Variants in CASR observed in about 807,000 individuals in gnomAD.
CASR encodes the protein extracellular calcium-sensing receptor.
CASR carries 23 observed loss-of-function variants against 69.1 expected under a neutral mutation model. The observed-to-expected ratio is 0.33, with a 90% CI of 0.24 to 0.47. The LOEUF (loss-of-function observed/expected upper bound fraction) is 0.47, where lower values mean the gene tolerates loss of function less well. Among genes scored for constraint, CASR ranks in the 20% least tolerant of loss-of-function variants. The pLI is 1.00. For synonymous variants in CASR, 541 were observed against 544.7 expected, an observed-to-expected ratio of 0.99 and a Z score of 0.10; for missense variants, 924 against 1,356.1, an observed-to-expected ratio of 0.68 and a Z score of 5.00.
In CASR at chr3:122,257,069, T is replaced by C; in HGVS notation, c.186-12T>C. Reference sequence around the variant, plus strand: ...AAGCTTCCCATTTTCTTCCACTTCTTCTTTCTTCCAGGTATAATTTCCGTG... The same window carrying C: ...AAGCTTCCCATTTTCTTCCACTTCTCCTTTCTTCCAGGTATAATTTCCGTG... On this transcript the variant is annotated splice_polypyrimidine_tract_variant and intron_variant, in intron 2 of 6. Coordinates refer to ENST00000639785, the MANE Select transcript of CASR (RefSeq NM_000388.4). 1 of 1,613,186 alleles carries C rather than the reference T, an allele frequency of 6.2e-7. No homozygotes were observed. Among genetic ancestry groups the C allele is most frequent in the African/African-American group, 1.3e-5 (1 of 74,990 alleles).
In CASR at chr3:122,269,927, C is replaced by T. The variant is rs576715953; in HGVS notation, c.1378-5885C>T. ...CATGATCTTGGCTCACTGCAACCTC[C>T]GCCTCCCAGGTTCAAGAGATTCTTC... On this transcript the variant is annotated intron_variant, in intron 4 of 6. Coordinates refer to ENST00000639785, the MANE Select transcript of CASR (RefSeq NM_000388.4). 2.3e-4 allele frequency among the ~76,000 whole-genome samples: 35 copies of T among 152,166 alleles called. No individual in the cohort carries two copies. In the South Asian group the frequency reaches 7.1e-3, roughly 31 times the overall value.
At chr3:122,222,609 C>T (rs1354159) in intron 1 of CASR, among the ~76,000 whole-genome samples, 108,885 of 151,974 alleles carry the variant, frequency 0.72, 39,294 homozygotes, top group Admixed American at 0.82. Context: ...GATAACCACA[C>T]GATAATAGTG....
rs1576816593 is a variant in CASR at position 122,199,285 on chromosome 3, T to G, written c.-243+15473T>G. On this transcript the variant is annotated intron_variant, in intron 1 of 6. Coordinates refer to ENST00000639785, the MANE Select transcript of CASR (RefSeq NM_000388.4). ...CTGCAAGTTCTTCCTCTTGGCTCGC[T>G]TTGGCCTTCTATTCAATCTGAGAAG... 5.9e-5 allele frequency among the ~76,000 whole-genome samples: 9 copies of G among 152,374 alleles called. 3 individuals carry two copies. The highest frequency in any genetic ancestry group is 5.9e-4 in the Admixed American group (9 of 15,312).
At chr3:122,248,169 CAT>C (rs2074446353) in intron 1 of CASR, among the ~76,000 whole-genome samples, 1 of 152,164 alleles carries the variant, frequency 6.6e-6, no homozygotes, top group Non-Finnish European at 1.5e-5. Flanking sequence ...TTTAAAACAA[CAT>C]GTGCCTTGCT....
At chr3:122,218,541 CAAAA>C (rs59428263) in intron 1 of CASR, among the ~76,000 whole-genome samples, 13 of 106,310 alleles carry the variant, frequency 1.2e-4, no homozygotes, top group Admixed American at 1.1e-3. Flanking sequence ...GACTCTGTCT[CAAAA>C]AAAAAAAAAA....
intron 1 of CASR, chr3:122,247,624 GGACACA>G (rs2074440422): frequency 6.6e-6 from 1 of 152,120 alleles, no homozygotes; most frequent in South Asian, 2.1e-4. Flanking sequence ...AGTCCTATGT[GGACACA>G]GAGTTTGTTA....
intron 1 of CASR, among the ~76,000 whole-genome samples, chr3:122,228,782 C>T (rs961782865): frequency 6.6e-6 from 1 of 152,184 alleles, no homozygotes; most frequent in Non-Finnish European, 1.5e-5. Flanking sequence ...TCCATGCTCA[C>T]AGCTACCATG....
intron 1 of CASR, among the ~76,000 whole-genome samples, chr3:122,231,035 G>C (rs923516847): frequency 6.6e-6 from 1 of 152,152 alleles, no homozygotes; most frequent in Non-Finnish European, 1.5e-5. Flanking sequence ...CATCCACTCA[G>C]AATTTTTGCA....
In CASR at chr3:122,287,094, C is replaced by T. The variant is rs571776635; in HGVS notation, c.*1903C>T. ...GCAGTCATGCCTCTGAGCAAGGCAC[C>T]GAGCTGAGTGGGGATTTATATTTAA... On this transcript the variant is annotated 3_prime_UTR_variant, in exon 7 of 7. Coordinates refer to ENST00000639785, the MANE Select transcript of CASR (RefSeq NM_000388.4). 4.2e-4 allele frequency: 64 copies of T among 152,288 alleles called. No individual in the cohort carries two copies. The highest frequency in any genetic ancestry group is 1.5e-3 in the African/African-American group (61 of 41,558). 9.4% of individuals were successfully genotyped at this position (152,288 alleles called of 1,614,324 possible).
At chr3:122,223,618 TA>T (rs2074194463) in intron 1 of CASR, among the ~76,000 whole-genome samples, 1 of 151,848 alleles carries the variant, frequency 6.6e-6, no homozygotes, top group South Asian at 2.1e-4. Flanking sequence ...CTACCACATG[TA>T]AAATTATTCC....
intron 4 of CASR, among the ~76,000 whole-genome samples, chr3:122,272,091 G>GTACACACACACACA (rs55688288): frequency 1.0e-4 from 15 of 148,928 alleles, no homozygotes; most frequent in Non-Finnish European, 1.9e-4. Flanking sequence ...TCCTAGGAAT[G>GTACACACACACACA]CACACACACA....
chr3:122,251,505 C>T (rs1001595877), intron 1 of CASR, among the ~76,000 whole-genome samples: 4 of 152,194 alleles, frequency 2.6e-5, no homozygotes, highest in East Asian at 3.8e-4. Flanking sequence ...CTCATTCACC[C>T]GAAGGCCTAC....
Position 122,283,974 on chromosome 3 carries a change from G to A in CASR, c.2020G>A (p.Asp674Asn). 1.2e-6 allele frequency: 2 copies of A among 1,613,592 alleles called. No individual in the cohort carries two copies. Among genetic ancestry groups the A allele is most frequent in the South Asian group, 1.1e-5 (1 of 91,052 alleles). Residue 674 changes from aspartate to asparagine, a missense_variant, in exon 7 of 7, where the codon GAC (aspartate) becomes AAC (asparagine). Coordinates refer to ENST00000639785, the MANE Select transcript of CASR (RefSeq NM_000388.4). ...SSLFFIGEPQ[D>N]WTCRLRQPAF... The stretch of plus-strand genomic sequence containing the variant: ...CCTGTTCTTCATCGGGGAGCCCCAG[G>A]ACTGGACGTGCCGCCTGCGCCAGCC...
chr3:122,273,166 A>G (rs9813387), intron 4 of CASR, among the ~76,000 whole-genome samples: 139,919 of 152,272 alleles, frequency 0.92, 64,621 homozygotes, highest in East Asian at 0.98. Context: ...GCTTTACCAC[A>G]ATATATGCAT....
Position 122,216,794 on chromosome 3 carries a change from C to A in CASR, c.-243+32982C>A, listed in dbSNP as rs533307253. ...GTTAGAAAGGTAGTAGCTTATATGT[C>A]ATGAGTGACTTTTGACACATGAAAG... On this transcript the variant is annotated intron_variant, in intron 1 of 6. Coordinates refer to ENST00000639785, the MANE Select transcript of CASR (RefSeq NM_000388.4). Among the ~76,000 whole-genome samples the A allele has an allele frequency of 1.0e-3, 157 of 152,292 alleles. 1 individual carries two copies. The highest frequency in any genetic ancestry group is 3.6e-3 in the African/African-American group (148 of 41,564).
chr3:122,228,895 G>T (rs1290378483), intron 1 of CASR, among the ~76,000 whole-genome samples: 1 of 152,066 alleles, frequency 6.6e-6, no homozygotes, highest in Non-Finnish European at 1.5e-5. Flanking sequence ...CCTCTCCTTT[G>T]CCTGTCCACA....
chr3:122,258,469 TC>T (rs1241457607), intron 3 of CASR, among the ~76,000 whole-genome samples: 2 of 151,884 alleles, frequency 1.3e-5, no homozygotes, highest in Non-Finnish European at 2.9e-5. Context: ...TAAAGGTGTT[TC>T]CCATGGGGAA....
chr3:122,197,045 C>T (rs887204174), intron 1 of CASR, among the ~76,000 whole-genome samples: 65 of 152,236 alleles, frequency 4.3e-4, no homozygotes, highest in African/African-American at 1.5e-3. Flanking sequence ...AGATGCTGTA[C>T]ATTAGAGCAC....
At chr3:122,263,119 G>A (rs146743779) in intron 4 of CASR, among the ~76,000 whole-genome samples, 37 of 152,290 alleles carry the variant, frequency 2.4e-4, no homozygotes, top group Non-Finnish European at 4.4e-4. Context: ...CTAAATAGCT[G>A]TTCGGGTCTT....
Sources: allele counts gnomAD v4.1 joint callset (sites outside exome capture counted in the v4.1 genomes callset), GRCh38; gene constraint gnomAD v4.1.1; transcripts MANE v1.5; gene names NCBI Gene and HGNC (gene_info 2026-07-23, HGNC 2026-07-21).